WDFY4: variants seen among roughly 807,000 people sequenced by gnomAD.
WDFY4 encodes WD repeat- and FYVE domain-containing protein 4.
WDFY4 carries 169 observed loss-of-function variants against 351.9 expected under a neutral mutation model. The ratio of observed to expected loss-of-function variants is 0.48; its 90% CI spans 0.42 to 0.55. The LOEUF is 0.55. Among genes scored for constraint, WDFY4 ranks in the 20% least tolerant of loss-of-function variants. The probability of loss-of-function intolerance (pLI) is 0.00; values close to 1 mark genes in which losing one functional copy is unlikely to be tolerated. For missense variants in WDFY4, 3,803 were observed against 3,935.6 expected, an observed-to-expected ratio of 0.97 and a Z score of 0.90; for synonymous variants, 1,622 against 1,574.6, an observed-to-expected ratio of 1.03 and a Z score of -0.71.
intron 39 of WDFY4, among the ~76,000 whole-genome samples, chr10:48,856,178 A>G (rs1448647234): frequency 6.6e-6 from 1 of 152,132 alleles, no homozygotes; most frequent in Non-Finnish European, 1.5e-5. Flanking sequence ...CTGTTGTAGT[A>G]TGTTTTGAAA....
At chr10:48,977,041 T>G in intron 59 of WDFY4, 62 bp downstream of exon 59, 1 of 1,301,642 alleles carries the variant, frequency 7.7e-7, no homozygotes, top group South Asian at 2.5e-5. Flanking sequence ...TCCATTCTTC[T>G]CACTTCCTCC....
chr10:48,776,768 G>C lies in WDFY4; in HGVS notation c.2882G>C (p.Gly961Ala). The C allele has an allele frequency of 6.5e-7, 1 of 1,549,102 alleles. No individual in the cohort carries two copies. The highest frequency in any genetic ancestry group is 8.7e-7 in the Non-Finnish European group (1 of 1,146,168). The part of the protein sequence containing the change: ...PGCSGSQTAQ[G>A]LAEGPWPAAP... ...GCCCTAGGGTCACAGACTGCACAGG[G>C]CTTGGCTGAGGGGCCCTGGCCAGCT... The change falls in exon 16 of 62, where the codon GGC (glycine) becomes GCC (alanine). Residue 961 changes from glycine (G) to alanine (A), a missense_variant. Physicochemically the swap from Gly to Ala is moderately conservative, Grantham distance 60. Transcript: ENST00000325239.
chr10:48,937,743 T>C (rs999292859), intron 47 of WDFY4, among the ~76,000 whole-genome samples: 1 of 152,224 alleles, frequency 6.6e-6, no homozygotes, highest in Non-Finnish European at 1.5e-5. Context: ...GAGCTGTTCA[T>C]CCAGCAGGGT....
chr10:48,786,485 C>T (rs915729224), intron 19 of WDFY4, among the ~76,000 whole-genome samples, 154 bp from the exon 20 acceptor site: 3 of 151,094 alleles, frequency 2.0e-5, no homozygotes, highest in African/African-American at 7.3e-5. Flanking sequence ...TTTGCGCATA[C>T]TTCTGAGATT....
chr10:48,939,560 C>A (rs980357366), intron 47 of WDFY4, among the ~76,000 whole-genome samples: 4 of 152,290 alleles, frequency 2.6e-5, no homozygotes, highest in African/African-American at 9.6e-5. Context: ...TTTGCAACAT[C>A]TTATTTAATC....
chr10:48,717,882 T>G (rs1565123960), intron 2 of WDFY4, among the ~76,000 whole-genome samples: 1 of 152,246 alleles, frequency 6.6e-6, no homozygotes, highest in Non-Finnish European at 1.5e-5. Context: ...GTCCAGTACA[T>G]GTGCCAGCAT....
At chr10:48,971,278 C>T (rs920888238) in intron 57 of WDFY4, among the ~76,000 whole-genome samples, 5 of 152,154 alleles carry the variant, frequency 3.3e-5, no homozygotes, top group East Asian at 1.9e-4. Flanking sequence ...GGGCGGATCA[C>T]GAGGTCAGGA....
chr10:48,778,823 C>T lies in WDFY4; in HGVS notation c.3388C>T (p.Gln1130Ter), dbSNP rs1182748333. ...LVVSTEEKEFQPLDVMEPEDD... is the reference protein window; with the variant it reads ...LVVSTEEKEF ...TGTTTCTACAGAAGAGAAGGAGTTT[C>T]AGCCTCTGGGTAAGGTGCTGGGATC... The change falls in exon 18 of 62, where the codon CAG becomes TAG. Residue 1130 changes from glutamine to a stop codon, truncating the protein, a stop_gained. Coordinates refer to ENST00000325239, the MANE Select transcript of WDFY4 (RefSeq NM_001394531.1). LOFTEE classifies it high-confidence loss of function. 6.4e-7 allele frequency: 1 copy of T among 1,550,492 alleles called. No individual in the cohort carries two copies. The highest frequency in any genetic ancestry group is 2.0e-5 in the Admixed American group (1 of 51,014).
chr10:48,777,666 T>C (rs2066078705), intron 17 of WDFY4, among the ~76,000 whole-genome samples, 171 bp downstream of exon 17: 1 of 152,194 alleles, frequency 6.6e-6, no homozygotes, highest in Non-Finnish European at 1.5e-5. Flanking sequence ...AGGAGGATTG[T>C]TTGAGGCCAG....
chr10:48,847,463 C>T (rs2068815291), intron 39 of WDFY4, among the ~76,000 whole-genome samples: 1 of 152,196 alleles, frequency 6.6e-6, no homozygotes, highest in Non-Finnish European at 1.5e-5. Context: ...GGCTGAAACT[C>T]CTCTGACCCC....
chr10:48,895,232 A>C (rs1257965733), intron 44 of WDFY4, among the ~76,000 whole-genome samples: 1 of 152,214 alleles, frequency 6.6e-6, no homozygotes, highest in Non-Finnish European at 1.5e-5. Flanking sequence ...CATAGACTAG[A>C]GAATTCCCTC....
rs1201694470 is a variant in WDFY4, at chr10:48,873,568, G to C, written c.6819G>C (p.Leu2273Phe). Reference protein sequence around the residue: ...IQEQLFGELGLWSQGEETKPC... With the variant: ...IQEQLFGELGFWSQGEETKPC... ...AGCAGCTTTTTGGGGAGCTGGGCTT[G>C]TGGAGCCAGGGGGAAGAAACCAAGC... The change falls in exon 41 of 62, where the codon TTG (leucine) becomes TTC (phenylalanine). Residue 2273 changes from leucine to phenylalanine, a missense_variant. Physicochemically the swap from Leu to Phe is conservative, Grantham distance 22 (BLOSUM62 0). Coordinates refer to ENST00000325239, the MANE Select transcript of WDFY4 (RefSeq NM_001394531.1). 3 of 1,551,672 alleles carry C rather than the reference G, an allele frequency of 1.9e-6. No individual in the cohort carries two copies. Among genetic ancestry groups the C allele is most frequent in the Admixed American group, 3.9e-5 (2 of 50,990 alleles).
chr10:48,957,252 T>A lies in WDFY4; in HGVS notation c.8101T>A (p.Phe2701Ile), dbSNP rs1210871633. ...CCCAGAGTTCTTCTACCTGCCTGAG[T>A]TCTTAACCAACTGCAACGGGGTAGA... ...LTPEFFYLPEFLTNCNGVEFG... is the reference protein window; with the variant it reads ...LTPEFFYLPEILTNCNGVEFG... The change falls in exon 52 of 62, where the codon TTC becomes ATC. Residue 2701 changes from phenylalanine (F) to isoleucine (I), a missense_variant. Coordinates refer to ENST00000325239, the MANE Select transcript of WDFY4 (RefSeq NM_001394531.1). 6.4e-7 allele frequency: 1 copy of A among 1,551,674 alleles called. No homozygotes were observed. The highest frequency in any genetic ancestry group is 8.7e-7 in the Non-Finnish European group (1 of 1,146,948).
chr10:48,776,741 C>T lies in WDFY4; in HGVS notation c.2864-9C>T, dbSNP rs2066044464. On this transcript the variant is annotated splice_polypyrimidine_tract_variant and intron_variant, in intron 15 of 61. Coordinates refer to ENST00000325239, the MANE Select transcript of WDFY4 (RefSeq NM_001394531.1). The stretch of plus-strand genomic sequence containing the variant: ...AGAGACACATCTCTTCTCTTGCTTG[C>T]TGCCCTAGGGTCACAGACTGCACAG... 1 of 1,513,956 alleles carries T rather than the reference C, an allele frequency of 6.6e-7. No homozygotes were observed. Among genetic ancestry groups the T allele is most frequent in the Non-Finnish European group, 8.9e-7 (1 of 1,128,170 alleles). 93.8% of individuals were successfully genotyped at this position (1,513,956 alleles called of 1,614,324 possible). A position where few individuals can be genotyped will look rare whatever the true frequency, so the allele number is the denominator to read the frequency against.
Position 48,811,526 on chromosome 10 carries a change from G to T in WDFY4, c.5045-13G>T. On this transcript the variant is annotated splice_polypyrimidine_tract_variant and intron_variant, in intron 29 of 61. Coordinates refer to ENST00000325239, the MANE Select transcript of WDFY4 (RefSeq NM_001394531.1). ...CTCAGCTGACTTTTGTGCCCCCTTT[G>T]CCTGATCAATAGACAACCTGAAGAG... 1 of 1,551,866 alleles carries T rather than the reference G, an allele frequency of 6.4e-7. No individual in the cohort carries two copies. Among genetic ancestry groups the T allele is most frequent in the Non-Finnish European group, 8.7e-7 (1 of 1,146,956 alleles).
chr10:48,889,515 A>T (rs913337817), intron 43 of WDFY4, among the ~76,000 whole-genome samples: 2 of 151,996 alleles, frequency 1.3e-5, no homozygotes, highest in African/African-American at 4.8e-5. Context: ...TTTCTCCCAA[A>T]CATATCTATT....
intron 39 of WDFY4, among the ~76,000 whole-genome samples, chr10:48,833,160 TGTGTGTGTGTGTGA>T: frequency 7.7e-6 from 1 of 129,796 alleles, no homozygotes; most frequent in Non-Finnish European, 1.7e-5. Flanking sequence ...TGTGTGTGTG[TGTGTGTGTGTGTGA>T]GAGAGAGAGA....
chr10:48,859,788 T>C, intron 39 of WDFY4, among the ~76,000 whole-genome samples: 1 of 152,232 alleles, frequency 6.6e-6, no homozygotes, highest in East Asian at 1.9e-4. Context: ...TTTAATTCTT[T>C]TTAAATTTTT....
chr10:48,736,055 A>G lies in WDFY4; in HGVS notation c.1863A>G (p.Lys621=). The change falls in exon 11 of 62, where the codon AAA becomes AAG. Residue 621 remains lysine (K), a synonymous_variant. Coordinates refer to ENST00000325239, the MANE Select transcript of WDFY4 (RefSeq NM_001394531.1). ...CCACTCAAGGGGAGCTGCAGCTGAA[A>G]CTGGATCTCCTGAAGGTGATTTCAA... is the stretch of plus-strand genomic sequence containing the variant. ...CSSTQGELQL[K]LDLLKSLLRI... 1 of 1,551,804 alleles carries G rather than the reference A, an allele frequency of 6.4e-7. No individual in the cohort carries two copies. The highest frequency in any genetic ancestry group is 8.7e-7 in the Non-Finnish European group (1 of 1,147,002).
Sources: gnomAD v4.1 joint callset for allele counts (sites outside exome capture counted in the v4.1 genomes callset) on GRCh38, gnomAD v4.1.1 for gene constraint, MANE v1.5 for transcripts, NCBI Gene and HGNC (gene_info 2026-07-23, HGNC 2026-07-21) for gene names.